The following SCOC variants were observed in gnomAD, a reference collection of about 807,000 sequenced individuals.
SCOC encodes short coiled-coil protein, also known as short coiled coil protein.
In SCOC, 7 loss-of-function variants were observed where a neutral mutation model predicts 9.9. That is an observed-to-expected ratio of 0.71 (90% CI 0.40 to 1.33). The LOEUF (loss-of-function observed/expected upper bound fraction) is 1.33, where lower values mean the gene tolerates loss of function less well. Ranked by LOEUF, SCOC falls within the 40% of genes most tolerant of loss-of-function variation. The pLI is 0.01. For synonymous variants in SCOC, 19 were observed against 28.2 expected, an observed-to-expected ratio of 0.67 and a Z score of 1.03; for missense variants, 66 against 89.7, an observed-to-expected ratio of 0.74 and a Z score of 1.07.
rs1732958186 is a variant in SCOC, at chr4:140,336,370, A to G, written c.-18-7251A>G. Among the ~76,000 whole-genome samples, 3 of 152,140 alleles carry G rather than the reference A, an allele frequency of 2.0e-5. No homozygotes were observed. The South Asian group carries it at 6.2e-4, about 32-fold the overall frequency. On this transcript the variant is annotated intron_variant, in intron 1 of 4. Transcript: ENST00000394205. ...AAACACACCCCATAGCCATTAAGTA[A>G]TCACTGCCCATTCTCCTCTTCTCTC... is the stretch of plus-strand genomic sequence containing the variant.
chr4:140,262,526 A>G (rs1182818471), intron 1 of SCOC, among the ~76,000 whole-genome samples: 10 of 152,120 alleles, frequency 6.6e-5, no homozygotes, highest in Admixed American at 5.2e-4. Context: ...TTGTCTTTCT[A>G]TATCTTCTCC....
At chr4:140,299,378 A>G (rs1041089287) in intron 1 of SCOC, among the ~76,000 whole-genome samples, 32 of 152,224 alleles carry the variant, frequency 2.1e-4, no homozygotes, top group Admixed American at 2.0e-4. Context: ...TCATAAGGAA[A>G]GAAAAATCAG....
At chr4:140,335,371 C>T (rs1343398486) in intron 1 of SCOC, among the ~76,000 whole-genome samples, 1 of 152,206 alleles carries the variant, frequency 6.6e-6, no homozygotes, top group African/African-American at 2.4e-5. Flanking sequence ...AGGTAAAACA[C>T]TGAGAATAGT....
At chr4:140,337,739 A>T (rs992871136) in intron 1 of SCOC, among the ~76,000 whole-genome samples, 6 of 152,210 alleles carry the variant, frequency 3.9e-5, no homozygotes, top group Admixed American at 2.6e-4. Flanking sequence ...CACCCTCCCA[A>T]GGCTAAACCA....
At chr4:140,297,262 G>C (rs1194354872) in intron 1 of SCOC, among the ~76,000 whole-genome samples, 1 of 60,492 alleles carries the variant, frequency 1.7e-5, no homozygotes, top group African/African-American at 1.0e-4. Flanking sequence ...GAGCATTCTG[G>C]TGACTGTGGG....
intron 1 of SCOC, chr4:140,343,512 G>T: frequency 1.5e-6 from 1 of 668,652 alleles, no homozygotes; most frequent in Non-Finnish European, 2.7e-6. Context: ...GGTGGCTAGT[G>T]CAAGGATCAG....
At chr4:140,361,617 C>A (rs1727472289) in intron 2 of SCOC, among the ~76,000 whole-genome samples, 1 of 152,134 alleles carries the variant, frequency 6.6e-6, no homozygotes, top group African/African-American at 2.4e-5. Flanking sequence ...CATGACTGTG[C>A]CACTGCACTC....
At chr4:140,376,286 G>T (rs572664592) in intron 1 of SCOC, 5 of 152,276 alleles carry the variant, frequency 3.3e-5, no homozygotes, top group African/African-American at 9.6e-5. Context: ...TCTACTGAAA[G>T]ACTTTGAATA....
At chr4:140,306,771 A>G (rs577713879) in intron 1 of SCOC, among the ~76,000 whole-genome samples, 2 of 115,004 alleles carry the variant, frequency 1.7e-5, no homozygotes, top group South Asian at 6.0e-4. Context: ...CCTAGGAAGT[A>G]TGTTGTAGGT....
chr4:140,336,310 T>C (rs7657322), intron 1 of SCOC, among the ~76,000 whole-genome samples: 120,767 of 152,052 alleles, frequency 0.79, 48,155 homozygotes, highest in Non-Finnish European at 0.83. Context: ...CAACCACCAC[T>C]TTTCACTAAT....
chr4:140,258,536 G>T (rs1730560485), intron 1 of SCOC, among the ~76,000 whole-genome samples: 1 of 152,122 alleles, frequency 6.6e-6, no homozygotes, highest in African/African-American at 2.4e-5. Context: ...CTTCTCTCTG[G>T]GATGGGAGGT....
upstream of SCOC, among the ~76,000 whole-genome samples, chr4:140,342,177 G>A (rs948038434): frequency 3.9e-5 from 6 of 152,004 alleles, no homozygotes; most frequent in Non-Finnish European, 8.8e-5. Flanking sequence ...CTTGGTTTCT[G>A]CATGTGCCCA....
intron 1 of SCOC, among the ~76,000 whole-genome samples, chr4:140,335,042 T>C (rs1345081102): frequency 6.6e-6 from 1 of 152,260 alleles, no homozygotes; most frequent in Non-Finnish European, 1.5e-5. Context: ...GGTATGTGTG[T>C]ATGTTTAGGT....
chr4:140,261,251 G>C (rs1013912834), intron 1 of SCOC, among the ~76,000 whole-genome samples: 3 of 152,228 alleles, frequency 2.0e-5, no homozygotes, highest in Admixed American at 2.0e-4. Flanking sequence ...CTAGGCAGAA[G>C]AGTATGTAAC....
At chr4:140,379,433 A>C in intron 2 of SCOC, 136 bp from the exon 3 acceptor site, 1 of 731,558 alleles carries the variant, frequency 1.4e-6, no homozygotes, top group South Asian at 1.7e-5. Context: ...ATTTGGGGAT[A>C]CAAAATTTTA....
At chr4:140,272,421 G>C (rs1410443686) in intron 1 of SCOC, among the ~76,000 whole-genome samples, 1 of 152,012 alleles carries the variant, frequency 6.6e-6, no homozygotes, top group Non-Finnish European at 1.5e-5. Flanking sequence ...GCACATTACT[G>C]GGCCCTACCC....
chr4:140,380,725 AAAT>A (rs1728543398), intron 3 of SCOC, among the ~76,000 whole-genome samples: 1 of 152,254 alleles, frequency 6.6e-6, no homozygotes, highest in Admixed American at 6.5e-5. Flanking sequence ...TCTTTTTAAA[AAAT>A]TACTCAACAT....
At chr4:140,373,912 C>G (rs1419436787) in intron 1 of SCOC, 195 bp downstream of exon 1, 2 of 714,914 alleles carry the variant, frequency 2.8e-6, no homozygotes, top group Non-Finnish European at 5.0e-6. Context: ...TGCGCGACCT[C>G]TTTTTCTCCT....
chr4:140,291,988 G>A (rs1560686356), intron 1 of SCOC, among the ~76,000 whole-genome samples: 1 of 152,058 alleles, frequency 6.6e-6, no homozygotes, highest in Non-Finnish European at 1.5e-5. Context: ...GCCCAGGTCT[G>A]AAAATCTCAG....
Sources: allele counts gnomAD v4.1 joint callset (sites outside exome capture counted in the v4.1 genomes callset), GRCh38; gene constraint gnomAD v4.1.1; transcripts MANE v1.5; gene names NCBI Gene and HGNC (gene_info 2026-07-23, HGNC 2026-07-21).